The following ANP32A variants were observed in gnomAD, a reference collection of about 807,000 sequenced individuals.
The protein encoded by ANP32A is acidic leucine-rich nuclear phosphoprotein 32 family member A.
In ANP32A, 1 loss-of-function variant was observed where a neutral mutation model predicts 33.9. The observed-to-expected ratio is 0.03, with a 90% CI of 0.01 to 0.14. The LOEUF (loss-of-function observed/expected upper bound fraction) is 0.14. ANP32A is among the 10% of genes least tolerant of loss of function. The probability of loss-of-function intolerance (pLI) is 1.00; values close to 1 mark genes in which losing one functional copy is unlikely to be tolerated. For synonymous variants in ANP32A, 115 were observed against 120.5 expected (o/e 0.95, Z 0.30); for missense variants, 155 against 306.0 (o/e 0.51, Z 3.68).
intron 1 of ANP32A, among the ~76,000 whole-genome samples, chr15:68,814,288 G>T (rs747170026): frequency 1.3e-5 from 2 of 152,082 alleles, no homozygotes; most frequent in African/African-American, 4.8e-5. Flanking sequence ...GGCCAGGCAC[G>T]CTGGCTCACA....
chr15:68,803,142 G>A (rs1421675713), intron 1 of ANP32A, among the ~76,000 whole-genome samples: 5 of 152,178 alleles, frequency 3.3e-5, no homozygotes, highest in Admixed American at 3.3e-4. Context: ...ACACACAAGG[G>A]CCGCTCAGTG....
intron 1 of ANP32A, among the ~76,000 whole-genome samples, chr15:68,812,624 T>C (rs538605646): frequency 1.3e-5 from 2 of 152,334 alleles, no homozygotes; most frequent in Non-Finnish European, 2.9e-5. Context: ...ACTACAAGTA[T>C]TGAGTATAAA....
At chr15:68,813,704 G>A (rs1334042477) in intron 1 of ANP32A, among the ~76,000 whole-genome samples, 1 of 152,104 alleles carries the variant, frequency 6.6e-6, no homozygotes, top group Admixed American at 6.5e-5. Flanking sequence ...CCAGAGCTAT[G>A]AGCCTCCTCT....
intron 1 of ANP32A, among the ~76,000 whole-genome samples, chr15:68,812,372 G>A (rs1250535867): frequency 2.0e-5 from 3 of 152,188 alleles, no homozygotes; most frequent in Non-Finnish European, 4.4e-5. Flanking sequence ...TGTGGAGAAG[G>A]GGCTGGGGGA....
At chr15:68,787,302 G>A in intron 3 of ANP32A, 111 bp downstream of exon 3, 1 of 1,464,432 alleles carries the variant, frequency 6.8e-7, no homozygotes, top group Middle Eastern at 2.2e-4. Flanking sequence ...AGCACATCAT[G>A]AGAGTCAAAA....
intron 1 of ANP32A, among the ~76,000 whole-genome samples, chr15:68,795,552 G>A (rs542360472): frequency 2.6e-5 from 4 of 152,296 alleles, no homozygotes; most frequent in South Asian, 2.1e-4. Context: ...GCCTGGAACC[G>A]GCTTCCTCTG....
Position 68,820,876 on chromosome 15 carries a change from C to A in ANP32A, c.-125G>T, listed in dbSNP as rs555189481. The stretch of plus-strand genomic sequence containing the variant: ...CAGCTCCGCTCGGTTCTCGAGCCCC[C>A]AGCACCCGCGGCGCACACTAACCTG... On this transcript the variant is annotated 5_prime_UTR_variant, in exon 1 of 7. Coordinates refer to ENST00000465139, the MANE Select transcript of ANP32A (RefSeq NM_006305.4). The A allele has an allele frequency of 1.4e-5, 16 of 1,169,690 alleles. No individual in the cohort carries two copies. In the Admixed American group the frequency reaches 3.2e-4, roughly 23 times the overall value. The allele number at this position is 1,169,690 out of a possible 1,614,324, so 72.5% of individuals were successfully genotyped here.
chr15:68,804,560 G>A (rs1894187557), intron 1 of ANP32A, among the ~76,000 whole-genome samples: 1 of 152,200 alleles, frequency 6.6e-6, no homozygotes, highest in African/African-American at 2.4e-5. Flanking sequence ...TGTTTTCTGA[G>A]TCTCGCTCTG....
At chr15:68,819,597 C>CA (rs748502747) in intron 1 of ANP32A, among the ~76,000 whole-genome samples, 6 of 152,254 alleles carry the variant, frequency 3.9e-5, no homozygotes, top group Admixed American at 1.3e-4. Flanking sequence ...CGCGTCCTGA[C>CA]AAAGTTTCCC....
At chr15:68,794,428 C>G (rs1317003455) in intron 1 of ANP32A, among the ~76,000 whole-genome samples, 1 of 152,210 alleles carries the variant, frequency 6.6e-6, no homozygotes, top group East Asian at 1.9e-4. Context: ...AGCAAGAATT[C>G]AATACATATT....
chr15:68,820,847 C>A lies in ANP32A; in HGVS notation c.-96G>T. On this transcript the variant is annotated 5_prime_UTR_variant, in exon 1 of 7. Coordinates refer to ENST00000465139, the MANE Select transcript of ANP32A (RefSeq NM_006305.4). ...CGCGCGTTTTAGGACTTTGAAGGCT[C>A]AACCAGCTCCGCTCGGTTCTCGAGC... The A allele has an allele frequency of 6.9e-7, 1 of 1,449,472 alleles. No individual in the cohort carries two copies. The allele number at this position is 1,449,472 out of a possible 1,614,324, so 89.8% of individuals were successfully genotyped here. A position where few individuals can be genotyped will look rare whatever the true frequency, so the allele number is the denominator to read the frequency against.
intron 1 of ANP32A, among the ~76,000 whole-genome samples, chr15:68,819,893 G>C (rs538750566): frequency 6.6e-6 from 1 of 152,218 alleles, no homozygotes; most frequent in Non-Finnish European, 1.5e-5. Flanking sequence ...AGAAACATCA[G>C]CATCTGGCCC....
chr15:68,796,187 T>G (rs149980273), intron 1 of ANP32A, among the ~76,000 whole-genome samples: 1 of 152,246 alleles, frequency 6.6e-6, no homozygotes, highest in Non-Finnish European at 1.5e-5. Flanking sequence ...ATTCAAGCGA[T>G]TCTCTTGCCT....
chr15:68,805,645 A>C (rs1894208802), intron 1 of ANP32A, among the ~76,000 whole-genome samples: 1 of 152,170 alleles, frequency 6.6e-6, no homozygotes, highest in African/African-American at 2.4e-5. Context: ...ACTGGGCCTT[A>C]GCTTGTTTAT....
At chr15:68,818,469 CG>C (rs1216418826) in intron 1 of ANP32A, among the ~76,000 whole-genome samples, 1 of 152,052 alleles carries the variant, frequency 6.6e-6, no homozygotes, top group East Asian at 1.9e-4. Context: ...CCCCCTCCCC[CG>C]CAAATGTGCA....
chr15:68,811,415 C>G (rs986360233), intron 1 of ANP32A, among the ~76,000 whole-genome samples: 6 of 152,118 alleles, frequency 3.9e-5, no homozygotes, highest in African/African-American at 1.4e-4. Flanking sequence ...GACCACTGAA[C>G]TGGGAGGGAT....
intron 1 of ANP32A, among the ~76,000 whole-genome samples, chr15:68,816,954 A>G (rs984764737): frequency 6.6e-6 from 1 of 152,304 alleles, no homozygotes; most frequent in African/African-American, 2.4e-5. Flanking sequence ...CTTGAACCCA[A>G]TTAGGCAGTA....
intron 1 of ANP32A, among the ~76,000 whole-genome samples, chr15:68,819,372 T>G (rs2140378104): frequency 6.6e-6 from 1 of 152,240 alleles, no homozygotes; most frequent in East Asian, 1.9e-4. Context: ...AGCGTTCGAG[T>G]CACCCACCCT....
intron 1 of ANP32A, among the ~76,000 whole-genome samples, chr15:68,788,168 G>A (rs1483468847): frequency 6.6e-6 from 1 of 152,160 alleles, no homozygotes; most frequent in Non-Finnish European, 1.5e-5. Flanking sequence ...CAGAACCAGG[G>A]GGCCACTCCA....
Sources: allele counts gnomAD v4.1 joint callset (sites outside exome capture counted in the v4.1 genomes callset), GRCh38; gene constraint gnomAD v4.1.1; transcripts MANE v1.5; gene names NCBI Gene and HGNC (gene_info 2026-07-23, HGNC 2026-07-21).